SESN1: variants seen among roughly 807,000 people sequenced by gnomAD.
SESN1 encodes sestrin 1.
SESN1 carries 30 observed loss-of-function variants against 59.3 expected under a neutral mutation model. The ratio of observed to expected loss-of-function variants is 0.51; its 90% CI spans 0.38 to 0.69. The LOEUF is 0.69. Among genes scored for constraint, SESN1 ranks in the 30% least tolerant of loss-of-function variants. The pLI, the probability that SESN1 is intolerant of heterozygous loss-of-function variation, is 0.00. For missense variants in SESN1, 566 were observed against 673.0 expected (o/e 0.84, Z 1.76); for synonymous variants, 197 against 219.9 (o/e 0.90, Z 0.92).
intron 1 of SESN1, chr6:109,090,576 G>T (rs1465252901): frequency 6.6e-6 from 1 of 152,164 alleles, no homozygotes; most frequent in South Asian, 2.1e-4. Context: ...AAATCATAAT[G>T]AAGAGATCAT....
chr6:109,016,903 A>G (rs1358692411), intron 1 of SESN1, among the ~76,000 whole-genome samples: 1 of 152,168 alleles, frequency 6.6e-6, no homozygotes, highest in African/African-American at 2.4e-5. Context: ...AAATACTAAA[A>G]TAGTATTTTA....
chr6:109,001,706 AG>A (rs1779629566), intron 2 of SESN1, among the ~76,000 whole-genome samples: 1 of 152,200 alleles, frequency 6.6e-6, no homozygotes, highest in African/African-American at 2.4e-5. Context: ...TGAACATTAA[AG>A]GCCATCTAGA....
intron 1 of SESN1, among the ~76,000 whole-genome samples, chr6:109,038,696 A>G (rs1204010105): frequency 1.3e-5 from 2 of 152,192 alleles, no homozygotes; most frequent in East Asian, 1.9e-4. Context: ...TATATTTAAA[A>G]TATTTTCTGC....
chr6:109,071,311 TA>T (rs1780930395), intron 1 of SESN1, among the ~76,000 whole-genome samples: 1 of 151,642 alleles, frequency 6.6e-6, no homozygotes, highest in Non-Finnish European at 1.5e-5. Flanking sequence ...GAAGAGGTGC[TA>T]TTTTAGATAA....
chr6:108,996,556 T>C (rs1779505862), intron 5 of SESN1, among the ~76,000 whole-genome samples: 1 of 152,166 alleles, frequency 6.6e-6, no homozygotes, highest in Admixed American at 6.5e-5. Flanking sequence ...AGGTAATTCT[T>C]GATAAATTAT....
At chr6:109,030,700 G>GTT (rs1332311143) in intron 1 of SESN1, among the ~76,000 whole-genome samples, 1 of 152,206 alleles carries the variant, frequency 6.6e-6, no homozygotes, top group Non-Finnish European at 1.5e-5. Context: ...AATGATTATG[G>GTT]TTCTACCTAG....
At chr6:109,047,522 C>T (rs1301948878) in intron 1 of SESN1, among the ~76,000 whole-genome samples, 5 of 125,356 alleles carry the variant, frequency 4.0e-5, no homozygotes, top group East Asian at 2.4e-4. Flanking sequence ...AGGTGAGGGG[C>T]GCCTCTGCCC....
At chr6:109,001,557 C>G (rs1341343738) in intron 2 of SESN1, 69 bp from the exon 3 acceptor site, 3 of 1,304,354 alleles carry the variant, frequency 2.3e-6, no homozygotes, top group Non-Finnish European at 2.2e-6. Context: ...AATATACATG[C>G]GCTACACTCT....
intron 5 of SESN1, among the ~76,000 whole-genome samples, chr6:108,995,491 G>A (rs1779485304): frequency 6.6e-6 from 1 of 152,178 alleles, no homozygotes; most frequent in African/African-American, 2.4e-5. Context: ...ATAGAGTAAT[G>A]GGGCTGACAA....
chr6:109,048,074 C>T (rs1186165145), intron 1 of SESN1, among the ~76,000 whole-genome samples: 1 of 146,824 alleles, frequency 6.8e-6, no homozygotes, highest in Non-Finnish European at 1.5e-5. Flanking sequence ...CTGTGAGAAA[C>T]ACCCAAGAAT....
At chr6:109,023,709 A>T (rs115407480) in intron 1 of SESN1, among the ~76,000 whole-genome samples, 1 of 152,346 alleles carries the variant, frequency 6.6e-6, no homozygotes, top group African/African-American at 2.4e-5. Flanking sequence ...CACATAGAAT[A>T]CTAAAGAGAA....
At chr6:109,070,562 G>C (rs990699890) in intron 1 of SESN1, among the ~76,000 whole-genome samples, 15 of 152,096 alleles carry the variant, frequency 9.9e-5, no homozygotes, top group African/African-American at 2.7e-4. Flanking sequence ...AGTTGAAATG[G>C]GCTTATGAAA....
chr6:109,090,511 T>C (rs1038369582), intron 1 of SESN1: 1 of 152,212 alleles, frequency 6.6e-6, no homozygotes, highest in Non-Finnish European at 1.5e-5. Flanking sequence ...TTATACATAT[T>C]ATATACTGTA....
chr6:109,023,863 C>T (rs145777333), intron 1 of SESN1, among the ~76,000 whole-genome samples: 78 of 152,228 alleles, frequency 5.1e-4, no homozygotes, highest in African/African-American at 1.6e-3. Context: ...AAGTCACTTT[C>T]ATATATTTAA....
chr6:109,041,471 G>C (rs889478101), intron 1 of SESN1, among the ~76,000 whole-genome samples: 7 of 152,094 alleles, frequency 4.6e-5, no homozygotes, highest in African/African-American at 1.7e-4. Flanking sequence ...GAGGGATTTT[G>C]AGGACAATGA....
chr6:109,012,660 G>A (rs1049707061), intron 1 of SESN1, among the ~76,000 whole-genome samples: 3 of 152,116 alleles, frequency 2.0e-5, no homozygotes, highest in Non-Finnish European at 4.4e-5. Flanking sequence ...GAAAATTTGG[G>A]GGAGAGTTTG....
At chr6:109,061,678 C>T (rs938625296) in intron 1 of SESN1, among the ~76,000 whole-genome samples, 1 of 152,004 alleles carries the variant, frequency 6.6e-6, no homozygotes, top group African/African-American at 2.4e-5. Context: ...GTAGCACACA[C>T]CTGTAGTCTT....
intron 5 of SESN1, among the ~76,000 whole-genome samples, chr6:108,995,434 G>T (rs1405793681): frequency 6.6e-6 from 1 of 152,160 alleles, no homozygotes; most frequent in African/African-American, 2.4e-5. Context: ...CTCTGCAAAT[G>T]GATCTGGCAG....
At chr6:109,042,793 A>C (rs985378249) in intron 1 of SESN1, among the ~76,000 whole-genome samples, 6 of 152,038 alleles carry the variant, frequency 3.9e-5, no homozygotes, top group African/African-American at 1.4e-4. Context: ...TAAAGAATTA[A>C]CTCCAATTTT....
Sources: allele counts gnomAD v4.1 joint callset (sites outside exome capture counted in the v4.1 genomes callset), GRCh38; gene constraint gnomAD v4.1.1; transcripts MANE v1.5; gene names NCBI Gene and HGNC (gene_info 2026-07-23, HGNC 2026-07-21).